TTC39C: variants seen among roughly 807,000 people sequenced by gnomAD.
The protein encoded by TTC39C is tetratricopeptide repeat protein 39C.
TTC39C carries 33 observed loss-of-function variants against 76.3 expected under a neutral mutation model. The observed-to-expected ratio is 0.43, with a 90% CI of 0.33 to 0.58. The LOEUF is 0.58. Among genes scored for constraint, TTC39C ranks in the 20% least tolerant of loss-of-function variants. The probability of loss-of-function intolerance (pLI) is 0.04; values close to 1 mark genes in which losing one functional copy is unlikely to be tolerated. For synonymous variants in TTC39C, 254 were observed against 260.6 expected, an observed-to-expected ratio of 0.97 and a Z score of 0.24; for missense variants, 595 against 701.4, an observed-to-expected ratio of 0.85 and a Z score of 1.71.
At chr18:24,020,253 T>G in intron 1 of TTC39C, 1 of 1,028,100 alleles carries the variant, frequency 9.7e-7, no homozygotes, top group Non-Finnish European at 1.2e-6. Flanking sequence ...TTACACTGTC[T>G]GAAAAGGTCC....
intron 6 of TTC39C, among the ~76,000 whole-genome samples, chr18:24,102,226 C>A (rs557266884): frequency 6.6e-6 from 1 of 152,238 alleles, no homozygotes; most frequent in African/African-American, 2.4e-5. Context: ...CCTGCCATGA[C>A]TGTTGAGAGA....
At chr18:24,016,592 G>A (rs1240790704) in intron 1 of TTC39C, 6 of 398,020 alleles carry the variant, frequency 1.5e-5, no homozygotes, top group East Asian at 3.6e-5. Flanking sequence ...TTTAGTAGGC[G>A]AAAATACTAC....
chr18:24,099,926 A>G (rs8095249), intron 6 of TTC39C, among the ~76,000 whole-genome samples: 105 of 152,274 alleles, frequency 6.9e-4, no homozygotes, highest in African/African-American at 2.4e-3. Flanking sequence ...TAAAAATGTG[A>G]TATTATTTTA....
chr18:24,069,044 C>A, intron 3 of TTC39C, 113 bp from the exon 4 acceptor site: 1 of 850,326 alleles, frequency 1.2e-6, no homozygotes, highest in Non-Finnish European at 1.9e-6. Flanking sequence ...CTTTGAGTGC[C>A]AGGTTTCACA....
At chr18:24,104,022 T>G (rs2084713624) in intron 6 of TTC39C, among the ~76,000 whole-genome samples, 1 of 151,738 alleles carries the variant, frequency 6.6e-6, no homozygotes, top group Non-Finnish European at 1.5e-5. Context: ...ACCTCCACCT[T>G]CTGGGTTCAA....
At chr18:24,074,000 T>TTCATAGGAAATG (rs1319390612) in intron 4 of TTC39C, among the ~76,000 whole-genome samples, 1 of 152,246 alleles carries the variant, frequency 6.6e-6, no homozygotes, top group African/African-American at 2.4e-5. Context: ...TGTTGAGCAT[T>TTCATAGGAAATG]TCCTATGTGC....
At chr18:24,114,680 A>G (rs1185057519) in intron 7 of TTC39C, 33 bp downstream of exon 7, 1 of 1,522,032 alleles carries the variant, frequency 6.6e-7, no homozygotes, top group Non-Finnish European at 9.1e-7. Context: ...GCCTCTTGTT[A>G]AGAAGTAGTA....
intron 1 of TTC39C, among the ~76,000 whole-genome samples, chr18:24,059,757 T>C (rs1330998600): frequency 6.6e-6 from 1 of 152,166 alleles, no homozygotes; most frequent in Admixed American, 6.6e-5. Context: ...AATGGTATAT[T>C]AGTTTGTTTT....
chr18:24,087,647 C>T (rs139794270), intron 6 of TTC39C, among the ~76,000 whole-genome samples: 49 of 143,708 alleles, frequency 3.4e-4, no homozygotes, highest in African/African-American at 9.9e-4. Context: ...TACAGTGGTG[C>T]AATCTTGGCT....
chr18:24,082,092 A>G (rs2084383816), intron 5 of TTC39C, among the ~76,000 whole-genome samples: 1 of 142,066 alleles, frequency 7.0e-6, no homozygotes, highest in Non-Finnish European at 1.5e-5. Context: ...ATCTCGGCTC[A>G]CTGCAACCTC....
At chr18:24,025,237 A>G (rs2083585882) in intron 1 of TTC39C, among the ~76,000 whole-genome samples, 1 of 152,218 alleles carries the variant, frequency 6.6e-6, no homozygotes, top group Admixed American at 6.5e-5. Flanking sequence ...TATCCTTAAG[A>G]ATATTGGGTG....
intron 4 of TTC39C, among the ~76,000 whole-genome samples, chr18:24,080,140 G>A (rs1568429789): frequency 6.6e-6 from 1 of 152,286 alleles, no homozygotes; most frequent in East Asian, 1.9e-4. Flanking sequence ...CCTAGGCCAA[G>A]AACTTGCTTT....
At chr18:24,026,620 A>G (rs1170880861) in intron 1 of TTC39C, among the ~76,000 whole-genome samples, 1 of 152,168 alleles carries the variant, frequency 6.6e-6, no homozygotes, top group Non-Finnish European at 1.5e-5. Flanking sequence ...CCTGTTTTAC[A>G]TGCTCAGGTG....
chr18:24,069,120 G>C (rs368822372), intron 3 of TTC39C, 37 bp from the exon 4 acceptor site: 3 of 1,480,048 alleles, frequency 2.0e-6, no homozygotes, highest in African/African-American at 1.4e-5. Context: ...GTTGTTATGT[G>C]TGATTTATCA....
chr18:24,095,399 T>G (rs2145781534), intron 6 of TTC39C, among the ~76,000 whole-genome samples: 1 of 152,356 alleles, frequency 6.6e-6, no homozygotes, highest in East Asian at 1.9e-4. Flanking sequence ...CACTTGTAAT[T>G]TCTTTCAAGA....
At chr18:24,081,460 A>G (rs550129125) in intron 5 of TTC39C, among the ~76,000 whole-genome samples, 1 of 152,356 alleles carries the variant, frequency 6.6e-6, no homozygotes, top group East Asian at 1.9e-4. Flanking sequence ...GGAGAGCATG[A>G]GGAAGCTGAT....
chr18:24,030,669 T>TTTTG (rs71163652), intron 1 of TTC39C, among the ~76,000 whole-genome samples: 17 of 146,798 alleles, frequency 1.2e-4, no homozygotes, highest in South Asian at 9.0e-4. Flanking sequence ...TTTTTTTTTT[T>TTTTG]GAGATGGAAT....
Position 24,126,921 on chromosome 18 carries a change from TA to T in TTC39C, c.1420+1373del, listed in dbSNP as rs1390090572. 2.0e-5 allele frequency among the ~76,000 whole-genome samples: 3 copies of T among 152,334 alleles called. No homozygotes were observed. In the East Asian group the frequency reaches 5.8e-4, roughly 29 times the overall value. The stretch of plus-strand genomic sequence containing the variant: ...AACTCAAAGGAACAATGAAGAATAT[TA>T]AGTATTTTTTAAATACACAAGTACA... On this transcript the variant is annotated intron_variant, in intron 10 of 13. Coordinates refer to ENST00000317571, the MANE Select transcript of TTC39C (RefSeq NM_001135993.2).
intron 1 of TTC39C, among the ~76,000 whole-genome samples, chr18:24,024,612 G>T (rs576191377): frequency 6.6e-6 from 1 of 152,226 alleles, no homozygotes; most frequent in Non-Finnish European, 1.5e-5. Flanking sequence ...GGCCTTCTTT[G>T]TCAGGATGGT....
Sources: gnomAD v4.1 joint callset for allele counts (sites outside exome capture counted in the v4.1 genomes callset) on GRCh38, gnomAD v4.1.1 for gene constraint, MANE v1.5 for transcripts, NCBI Gene and HGNC (gene_info 2026-07-23, HGNC 2026-07-21) for gene names.